Variants in B4GALT4 observed in about 807,000 individuals in gnomAD.
B4GALT4 encodes beta-1,4-galactosyltransferase 4, also known as N-acetyllactosamine synthase.
In B4GALT4, 27 loss-of-function variants were observed where a neutral mutation model predicts 37.3. That is an observed-to-expected ratio of 0.72 (90% CI 0.53 to 1.00). The LOEUF is 1.00. Among genes scored for constraint, B4GALT4 ranks in the 50% least tolerant of loss-of-function variants. B4GALT4 has a pLI of 0.00. For synonymous variants in B4GALT4, 148 were observed against 154.1 expected, an observed-to-expected ratio of 0.96 and a Z score of 0.29; for missense variants, 372 against 413.1, an observed-to-expected ratio of 0.90 and a Z score of 0.86.
At chr3:119,215,009 T>C (rs1304481193) in intron 7 of B4GALT4, 1 of 152,188 alleles carries the variant, frequency 6.6e-6, no homozygotes, top group Non-Finnish European at 1.5e-5. Flanking sequence ...TGAAAATTCT[T>C]GCCCAAAAAT....
intron 5 of B4GALT4, among the ~76,000 whole-genome samples, chr3:119,221,359 G>A (rs141203734): frequency 2.0e-5 from 3 of 152,338 alleles, no homozygotes; most frequent in African/African-American, 7.2e-5. Flanking sequence ...CTCTGCATGT[G>A]TGTAAGGTGA....
intron 7 of B4GALT4, chr3:119,212,967 C>T (rs2078200359): frequency 2.0e-5 from 6 of 297,370 alleles, no homozygotes. Flanking sequence ...AATACAGATA[C>T]TACAGGATAT....
intron 7 of B4GALT4, chr3:119,214,213 C>G (rs2078233214): frequency 6.6e-6 from 1 of 152,048 alleles, no homozygotes; most frequent in South Asian, 2.1e-4. Flanking sequence ...GGAGCGAGAC[C>G]CTGCCTCAGA....
intron 2 of B4GALT4, among the ~76,000 whole-genome samples, chr3:119,233,828 A>C (rs2078898661): frequency 6.6e-6 from 1 of 152,172 alleles, no homozygotes. Flanking sequence ...TATCTTTCTA[A>C]GTCTAAGTGC....
At chr3:119,221,554 G>A (rs2078449932) in intron 5 of B4GALT4, among the ~76,000 whole-genome samples, 3 of 152,122 alleles carry the variant, frequency 2.0e-5, no homozygotes, top group Non-Finnish European at 4.4e-5. Context: ...CCAGGAGGAA[G>A]GCAACTCCTA....
At chr3:119,213,792 T>C (rs989448215) in intron 7 of B4GALT4, 8 of 152,194 alleles carry the variant, frequency 5.3e-5, no homozygotes, top group African/African-American at 1.9e-4. Flanking sequence ...ATCTACTCAA[T>C]AATTAATTTT....
chr3:119,218,705 C>T lies in B4GALT4; in HGVS notation c.742G>A (p.Gly248Arg). ...LSREQFFKVN[G>R]FSNNYWGWGG... ...CATCCCCAGTAGTTGTTAGAGAATC[C>T]ATTCACCTTGAAAAACTGCTCTCTG... The change falls in exon 6 of 8, where the codon GGA becomes AGA. Residue 248 changes from glycine (G) to arginine (R), a missense_variant. By Grantham distance (125) the Gly-to-Arg change is moderately radical. Transcript: ENST00000393765. 1 of 1,614,180 alleles carries T rather than the reference C, an allele frequency of 6.2e-7. No individual in the cohort carries two copies. The highest frequency in any genetic ancestry group is 1.1e-5 in the South Asian group (1 of 91,086).
intron 7 of B4GALT4, 41 bp from the exon 8 acceptor site, chr3:119,212,722 C>T (rs2078193244): frequency 3.3e-6 from 5 of 1,535,218 alleles, no homozygotes; most frequent in Non-Finnish European, 4.4e-6. Context: ...AAGAATTTAA[C>T]ATATGTCTCC....
chr3:119,224,269 T>G lies in B4GALT4; in HGVS notation c.487-24A>C, dbSNP rs1473740463. 4 of 1,550,828 alleles carry G rather than the reference T, an allele frequency of 2.6e-6. No individual in the cohort carries two copies. The East Asian group carries it at 9.1e-5, about 35-fold the overall frequency. Reference sequence around the variant, plus strand: ...GCCTAGAGATATGAAAATTAAAACTTGAAAAGCTCCTGAGATAAAGTTTCA... The same window carrying G: ...GCCTAGAGATATGAAAATTAAAACTGGAAAAGCTCCTGAGATAAAGTTTCA... On this transcript the variant is annotated intron_variant, in intron 4 of 7. Coordinates refer to ENST00000393765, the MANE Select transcript of B4GALT4 (RefSeq NM_003778.4).
In B4GALT4 at chr3:119,224,302, T is replaced by TCATAA. The variant is rs1434434448; in HGVS notation, c.487-58_487-57insTTATG. The TCATAA allele has an allele frequency of 6.4e-6, 9 of 1,397,052 alleles. No individual in the cohort carries two copies. In the African/African-American group the frequency reaches 1.3e-4, roughly 20 times the overall value. 86.5% of individuals were successfully genotyped at this position (1,397,052 alleles called of 1,614,324 possible). The stretch of plus-strand genomic sequence containing the variant: ...TCCTGAGATAAAGTTTCATATTGTT[T>TCATAA]GCCTCTTAGTTAGGATTCAGGAGAT... On this transcript the variant is annotated intron_variant, in intron 4 of 7. Transcript: ENST00000393765.
chr3:119,228,661 C>A (rs1230599091), intron 3 of B4GALT4, among the ~76,000 whole-genome samples: 1 of 152,154 alleles, frequency 6.6e-6, no homozygotes, highest in African/African-American at 2.4e-5. Flanking sequence ...GAATACAATA[C>A]AGGACTGTGA....
intron 3 of B4GALT4, among the ~76,000 whole-genome samples, chr3:119,229,409 C>T (rs4568126): frequency 1.3e-5 from 2 of 152,102 alleles, no homozygotes; most frequent in Non-Finnish European, 2.9e-5. Context: ...CATAGCTGCA[C>T]GCAACCATAA....
rs772179142 is a variant in B4GALT4, at chr3:119,224,217, T to C, written c.515A>G (p.Lys172Arg). Residue 172 changes from lysine (K) to arginine (R), a missense_variant, in exon 5 of 8, where the codon AAA (lysine) becomes AGA (arginine). By Grantham distance (26) the Lys-to-Arg change is conservative (BLOSUM62 2). Coordinates refer to ENST00000393765, the MANE Select transcript of B4GALT4 (RefSeq NM_003778.4). Reference protein sequence around the residue: ...QAEGKKFNRAKLLNVGYLEAL... With the variant: ...QAEGKKFNRARLLNVGYLEAL... ...TTCTAGATAGCCCACATTCAAGAGT[T>C]TGGCTCGATTAAACTTTTTACCTTC... is the stretch of plus-strand genomic sequence containing the variant. The C allele has an allele frequency of 1.2e-6, 2 of 1,609,880 alleles. No individual in the cohort carries two copies. Among genetic ancestry groups the C allele is most frequent in the African/African-American group, 1.3e-5 (1 of 74,610 alleles).
At chr3:119,237,967 C>T (rs952834963) in intron 1 of B4GALT4, among the ~76,000 whole-genome samples, 1 of 151,988 alleles carries the variant, frequency 6.6e-6, no homozygotes, top group Non-Finnish European at 1.5e-5. Context: ...AAAGATATAA[C>T]AATGTATATG....
chr3:119,234,000 G>A (rs1399601090), intron 2 of B4GALT4, among the ~76,000 whole-genome samples: 1 of 152,162 alleles, frequency 6.6e-6, no homozygotes, highest in African/African-American at 2.4e-5. Context: ...CCCTCTCACC[G>A]TTGTGTCCCA....
At chr3:119,214,546 T>G (rs1453557792) in intron 7 of B4GALT4, 1 of 152,000 alleles carries the variant, frequency 6.6e-6, no homozygotes, top group Non-Finnish European at 1.5e-5. Flanking sequence ...TTGAAGAAGA[T>G]CCCATTGGCC....
At chr3:119,221,862 C>T (rs917133837) in intron 5 of B4GALT4, among the ~76,000 whole-genome samples, 1 of 152,140 alleles carries the variant, frequency 6.6e-6, no homozygotes, top group African/African-American at 2.4e-5. Context: ...CTTTCTGATA[C>T]CTAGTTATAA....
chr3:119,230,067 G>T lies in B4GALT4; in HGVS notation c.33C>A (p.Tyr11Ter). 6.2e-7 allele frequency: 1 copy of T among 1,614,184 alleles called. No individual in the cohort carries two copies. The highest frequency in any genetic ancestry group is 8.5e-7 in the Non-Finnish European group (1 of 1,180,018). The change falls in exon 3 of 8, where the codon TAC becomes TAA. Residue 11 changes from tyrosine to a stop codon, truncating the protein, a stop_gained. Transcript: ENST00000393765. LOFTEE classifies it high-confidence loss of function. MGFNLTFHLS[Y>*]KFRLLLLLTL... ...TCAACAGCAACAGTAATCGGAATTT[G>T]TAGGAAAGGTGGAAAGTCAGGTTGA...
chr3:119,218,028 T>C (rs2078342383), intron 6 of B4GALT4, among the ~76,000 whole-genome samples: 1 of 152,002 alleles, frequency 6.6e-6, no homozygotes, highest in African/African-American at 2.4e-5. Context: ...CAAATCCAAG[T>C]TGAGGGGAAG....
Sources: allele counts gnomAD v4.1 joint callset (sites outside exome capture counted in the v4.1 genomes callset), GRCh38; gene constraint gnomAD v4.1.1; transcripts MANE v1.5; gene names NCBI Gene and HGNC (gene_info 2026-07-23, HGNC 2026-07-21).